Variants in SLC37A1 observed in about 807,000 individuals in gnomAD.
The protein encoded by SLC37A1 is glucose-6-phosphate exchanger SLC37A1.
A neutral mutation model predicts 75.3 loss-of-function variants in SLC37A1; 49 were observed. The observed-to-expected ratio is 0.65, with a 90% CI of 0.52 to 0.83. The LOEUF (loss-of-function observed/expected upper bound fraction) is 0.83. Ranked by LOEUF, SLC37A1 falls within the 40% of genes least tolerant of loss-of-function variation. SLC37A1 has a pLI of 0.00. For synonymous variants in SLC37A1, 268 were observed against 292.1 expected (o/e 0.92, Z 0.84); for missense variants, 566 against 695.0 (o/e 0.81, Z 2.09).
chr21:42,562,889 A>G (rs228099), intron 12 of SLC37A1, among the ~76,000 whole-genome samples: 83,286 of 151,786 alleles, frequency 0.55, 23,811 homozygotes, highest in Admixed American at 0.69. Context: ...AGAATCCGGC[A>G]ATGTCTCAAA....
intron 17 of SLC37A1, among the ~76,000 whole-genome samples, chr21:42,569,725 GT>G (rs1372340448): frequency 6.6e-6 from 1 of 152,262 alleles, no homozygotes; most frequent in Non-Finnish European, 1.5e-5. Flanking sequence ...GCACTCCTCT[GT>G]TTTGTCTCCT....
Position 42,580,659 on chromosome 21 carries a change from G to A in SLC37A1, c.*299G>A, listed in dbSNP as rs112294164. 3.0e-3 allele frequency: 1,261 copies of A among 415,418 alleles called. 17 individuals carry two copies. The highest frequency in any genetic ancestry group is 0.024 in the African/African-American group (1,139 of 47,018). The allele number at this position is 415,418 out of a possible 1,614,324, so 25.7% of individuals were successfully genotyped here. A position where few individuals can be genotyped will look rare whatever the true frequency, so the allele number is the denominator to read the frequency against. On this transcript the variant is annotated 3_prime_UTR_variant, in exon 20 of 20. Transcript: ENST00000352133. ...TGCCCATGCAGCCACCCAAATGCAC[G>A]CGTGACAACAAGGCCGGGAGGGTGG...
chr21:42,521,058 G>A (rs906421083), intron 2 of SLC37A1, among the ~76,000 whole-genome samples: 17 of 152,358 alleles, frequency 1.1e-4, no homozygotes, highest in Middle Eastern at 3.4e-3. Context: ...GGGATGTGGA[G>A]CCGCTGCAGG....
intron 2 of SLC37A1, among the ~76,000 whole-genome samples, chr21:42,524,780 A>G (rs1277946429): frequency 3.9e-5 from 6 of 152,238 alleles, no homozygotes; most frequent in Admixed American, 3.9e-4. Flanking sequence ...AATAAGAAAC[A>G]TGCTTTTGGT....
chr21:42,503,393 G>C (rs1051392434), intron 2 of SLC37A1, among the ~76,000 whole-genome samples: 3 of 151,754 alleles, frequency 2.0e-5, no homozygotes, highest in Non-Finnish European at 2.9e-5. Flanking sequence ...GGGAATACAG[G>C]TGCCTACCAC....
chr21:42,540,800 A>G (rs562496579), intron 6 of SLC37A1, among the ~76,000 whole-genome samples: 6 of 152,360 alleles, frequency 3.9e-5, no homozygotes, highest in South Asian at 4.1e-4. Context: ...AGATTTTGCC[A>G]TAACACTTGA....
chr21:42,512,238 GT>G (rs1305593159), upstream of SLC37A1, among the ~76,000 whole-genome samples: 36 of 97,000 alleles, frequency 3.7e-4, no homozygotes, highest in African/African-American at 1.4e-3. Context: ...GGGAGGGGGG[GT>G]GGGAAGAAGC....
At chr21:42,520,733 G>A (rs2054629392) in intron 2 of SLC37A1, among the ~76,000 whole-genome samples, 1 of 152,144 alleles carries the variant, frequency 6.6e-6, no homozygotes, top group African/African-American at 2.4e-5. Flanking sequence ...ACTTTGGTCC[G>A]GGATCTTGGT....
chr21:42,580,729 C>T lies in SLC37A1; in HGVS notation c.*369C>T, dbSNP rs2056408038. ...CCGACCCTCTCAGGCATTCCAGCCA[C>T]AGAACATCAAAGTGAGCGAGTACTG... On this transcript the variant is annotated 3_prime_UTR_variant, in exon 20 of 20. Coordinates refer to ENST00000352133, the MANE Select transcript of SLC37A1 (RefSeq NM_001320537.2). The T allele has an allele frequency of 2.3e-5, 8 of 348,750 alleles. No homozygotes were observed. In the South Asian group the frequency reaches 2.8e-4, roughly 12 times the overall value. 21.6% of individuals were successfully genotyped at this position (348,750 alleles called of 1,614,324 possible). A position where few individuals can be genotyped will look rare whatever the true frequency, so the allele number is the denominator to read the frequency against.
intron 3 of SLC37A1, among the ~76,000 whole-genome samples, chr21:42,530,654 A>ACACACACACACACACACACACACCCC (rs1161313598): frequency 5.6e-5 from 2 of 35,880 alleles, no homozygotes; most frequent in Non-Finnish European, 5.2e-5. Context: ...ACACACACAC[A>ACACACACACACACACACACACACCCC]CCCCCTCTGT....
At chr21:42,546,631 C>A (rs769025169) in intron 8 of SLC37A1, among the ~76,000 whole-genome samples, 6 of 152,206 alleles carry the variant, frequency 3.9e-5, no homozygotes, top group African/African-American at 1.4e-4. Context: ...TGCCATACCC[C>A]CCTTGCACAC....
At chr21:42,518,255 A>G (rs1568983434) in intron 1 of SLC37A1, 22 bp from the exon 2 acceptor site, 2 of 608,160 alleles carry the variant, frequency 3.3e-6, no homozygotes, top group East Asian at 6.0e-5. Context: ...TGGACTCTGA[A>G]TGCCTCTCCT....
Position 42,542,441 on chromosome 21 carries a change from G to C in SLC37A1, c.524G>C (p.Ser175Thr). The C allele has an allele frequency of 6.2e-7, 1 of 1,614,026 alleles. No homozygotes were observed. Among genetic ancestry groups the C allele is most frequent in the Non-Finnish European group, 8.5e-7 (1 of 1,179,952 alleles). The change falls in exon 7 of 20, where the codon AGC (serine) becomes ACC (threonine). Residue 175 changes from serine (S) to threonine (T), a missense_variant. Physicochemically the swap from Ser to Thr is moderately conservative, Grantham distance 58 (BLOSUM62 1). Transcript: ENST00000352133. ...NGLVQTTGWP[S>T]VVTCLGNWFG... Reference sequence around the variant, plus strand: ...CTGGTGCAGACCACCGGCTGGCCCAGCGTCGTCACCTGCCTCGGCAACTGG... The same window carrying C: ...CTGGTGCAGACCACCGGCTGGCCCACCGTCGTCACCTGCCTCGGCAACTGG...
At chr21:42,546,238 C>T (rs1410420873) in intron 8 of SLC37A1, among the ~76,000 whole-genome samples, 1 of 152,188 alleles carries the variant, frequency 6.6e-6, no homozygotes, top group Non-Finnish European at 1.5e-5. Flanking sequence ...CCGCATTGCT[C>T]GGGGCAGGTT....
At chr21:42,540,902 C>G (rs1000221949) in intron 6 of SLC37A1, among the ~76,000 whole-genome samples, 12 of 152,042 alleles carry the variant, frequency 7.9e-5, no homozygotes, top group African/African-American at 2.9e-4. Context: ...TTCCAGAGTC[C>G]CAGCATGTTT....
At chr21:42,529,893 C>T (rs940920499) in intron 3 of SLC37A1, among the ~76,000 whole-genome samples, 2 of 152,162 alleles carry the variant, frequency 1.3e-5, no homozygotes, top group Non-Finnish European at 2.9e-5. Context: ...CAAGCGTTAG[C>T]GCCTTTTGGT....
chr21:42,579,989 C>T (rs1228694988), intron 19 of SLC37A1, among the ~76,000 whole-genome samples, 189 bp downstream of exon 19: 1 of 152,194 alleles, frequency 6.6e-6, no homozygotes, highest in Non-Finnish European at 1.5e-5. Context: ...GTGGTAATCT[C>T]TCCTCAAACC....
intron 18 of SLC37A1, chr21:42,576,117 T>G: frequency 9.0e-5 from 24 of 265,382 alleles, no homozygotes; most frequent in Non-Finnish European, 1.3e-4. Flanking sequence ...TTGGGGTGGT[T>G]GTGCCCACAC....
Position 42,530,643 on chromosome 21 carries a change from CACACACACA to C in SLC37A1, c.139-4054_139-4046del, listed in dbSNP as rs1225922351. Reference sequence around the variant, plus strand: ...ACACACACACACACACACACACACACACACACACACACCCCCTCTGTGTTGGCTGAAGGT... The same window carrying C: ...ACACACACACACACACACACACACACCACCCCCTCTGTGTTGGCTGAAGGT... On this transcript the variant is annotated intron_variant, in intron 3 of 19. Coordinates refer to ENST00000352133, the MANE Select transcript of SLC37A1 (RefSeq NM_001320537.2). Among the ~76,000 whole-genome samples the C allele has an allele frequency of 5.0e-4, 16 of 31,794 alleles. 1 individual carries two copies. In the South Asian group the frequency reaches 5.3e-3, roughly 11 times the overall value. 20.9% of individuals were successfully genotyped at this position (31,794 alleles called of 152,430 possible).
Sources: allele counts gnomAD v4.1 joint callset (sites outside exome capture counted in the v4.1 genomes callset), GRCh38; gene constraint gnomAD v4.1.1; transcripts MANE v1.5; gene names NCBI Gene and HGNC (gene_info 2026-07-23, HGNC 2026-07-21).